Variants in DCC observed in about 807,000 individuals in gnomAD.
DCC encodes DCC netrin 1 receptor.
In DCC, 58 loss-of-function variants were observed where a neutral mutation model predicts 172.5. That is an observed-to-expected ratio of 0.34 (90% CI 0.27 to 0.42). DCC has a LOEUF of 0.42. Among genes scored for constraint, DCC ranks in the 10% least tolerant of loss-of-function variants. DCC has a pLI of 1.00. For synonymous variants in DCC, 709 were observed against 644.5 expected (o/e 1.10, Z -1.52); for missense variants, 1,740 against 1,791.0 (o/e 0.97, Z 0.51).
Position 53,410,541 on chromosome 18 carries a change from A to T in DCC, c.3025A>T (p.Ile1009Phe). ...CAGTGGTGATAGGCTTACTCATCAA[A>T]TCATGGATCTCAACCTTGATACTAT... ...TISGDRLTHQ[I>F]MDLNLDTMYY... The change falls in exon 20 of 29, where the codon ATC becomes TTC. Residue 1009 changes from isoleucine to phenylalanine, a missense_variant. Ile to Phe is a conservative substitution (Grantham distance 21). Around this residue, in one of 2 missense-constraint regions of DCC, gnomAD observed 1,732 missense variants for 1,767.4 expected, o/e 0.98. Coordinates refer to ENST00000442544, the MANE Select transcript of DCC (RefSeq NM_005215.4). 3 of 1,608,628 alleles carry T rather than the reference A, an allele frequency of 1.9e-6. No homozygotes were observed. The highest frequency in any genetic ancestry group is 2.6e-6 in the Non-Finnish European group (3 of 1,174,972).
At chr18:52,444,288 G>GA (rs1410051455) in intron 1 of DCC, among the ~76,000 whole-genome samples, 1 of 152,164 alleles carries the variant, frequency 6.6e-6, no homozygotes, top group Non-Finnish European at 1.5e-5. Context: ...ACATGACCTT[G>GA]AAAATCCAGA....
At chr18:53,017,373 T>A (rs1031598610) in intron 5 of DCC, among the ~76,000 whole-genome samples, 3 of 152,348 alleles carry the variant, frequency 2.0e-5, no homozygotes, top group South Asian at 4.1e-4. Context: ...AAGGAACATA[T>A]AATTTAAGCA....
chr18:53,067,735 G>A (rs1201473119), intron 7 of DCC, among the ~76,000 whole-genome samples: 1 of 152,272 alleles, frequency 6.6e-6, no homozygotes, highest in East Asian at 1.9e-4. Flanking sequence ...CCCATAAAGA[G>A]TTATCTATCA....
chr18:53,301,666 A>T (rs1323449088), intron 12 of DCC, among the ~76,000 whole-genome samples: 1 of 150,928 alleles, frequency 6.6e-6, no homozygotes. Flanking sequence ...ACTTATTTAG[A>T]TGTCTCTTAG....
chr18:52,947,717 G>A (rs138103683), intron 5 of DCC, among the ~76,000 whole-genome samples: 30 of 152,298 alleles, frequency 2.0e-4, no homozygotes, highest in African/African-American at 2.9e-4. Context: ...GGAAGGGGCC[G>A]TTCCATGCCA....
At chr18:52,809,821 T>G (rs934797539) in intron 2 of DCC, among the ~76,000 whole-genome samples, 3 of 152,204 alleles carry the variant, frequency 2.0e-5, no homozygotes, top group African/African-American at 4.8e-5. Flanking sequence ...GGGGTTTATA[T>G]CTCAATCATT....
intron 14 of DCC, among the ~76,000 whole-genome samples, chr18:53,327,571 A>G (rs575073547): frequency 1.3e-5 from 2 of 152,332 alleles, no homozygotes; most frequent in African/African-American, 4.8e-5. Flanking sequence ...TCGGCAGTGC[A>G]GACTTAAGAA....
At chr18:52,904,084 C>G (rs901117039) in intron 2 of DCC, among the ~76,000 whole-genome samples, 1 of 152,170 alleles carries the variant, frequency 6.6e-6, no homozygotes, top group Non-Finnish European at 1.5e-5. Context: ...TAGTGTTTAT[C>G]CAGGCATCCC....
At chr18:53,516,704 T>C (rs1459201608) in intron 27 of DCC, among the ~76,000 whole-genome samples, 2 of 149,926 alleles carry the variant, frequency 1.3e-5, no homozygotes, top group Non-Finnish European at 2.9e-5. Context: ...AAAATGCTTA[T>C]CATCACTGGC....
At chr18:53,395,965 C>G (rs1015689451) in intron 17 of DCC, among the ~76,000 whole-genome samples, 2 of 152,102 alleles carry the variant, frequency 1.3e-5, no homozygotes, top group African/African-American at 2.4e-5. Flanking sequence ...AAGAAGACTT[C>G]TGATAAATAT....
intron 21 of DCC, among the ~76,000 whole-genome samples, chr18:53,432,646 C>T (rs1288956025): frequency 2.0e-5 from 3 of 152,002 alleles, no homozygotes; most frequent in African/African-American, 7.3e-5. Flanking sequence ...GAAGTAACAC[C>T]CATAAACCCA....
intron 1 of DCC, among the ~76,000 whole-genome samples, chr18:52,350,753 A>C (rs1984083993): frequency 6.6e-6 from 1 of 152,194 alleles, no homozygotes; most frequent in Non-Finnish European, 1.5e-5. Context: ...TGATTGGACC[A>C]AAAAGAGGCA....
intron 1 of DCC, among the ~76,000 whole-genome samples, chr18:52,462,230 T>G (rs1465487525): frequency 6.6e-6 from 1 of 152,074 alleles, no homozygotes; most frequent in Non-Finnish European, 1.5e-5. Context: ...GCCCACTACA[T>G]CATACACAGC....
intron 5 of DCC, among the ~76,000 whole-genome samples, chr18:53,002,587 A>G (rs191432613): frequency 3.4e-4 from 51 of 152,196 alleles, no homozygotes; most frequent in Middle Eastern, 3.4e-3. Context: ...ATTAAACACC[A>G]CAACTCTGTG....
At chr18:52,381,454 G>A (rs1985581029) in intron 1 of DCC, among the ~76,000 whole-genome samples, 1 of 152,158 alleles carries the variant, frequency 6.6e-6, no homozygotes, top group African/African-American at 2.4e-5. Context: ...CACAAGGTAT[G>A]AATTCAACAT....
chr18:52,807,637 G>A (rs1474586095), intron 2 of DCC, among the ~76,000 whole-genome samples: 2 of 151,868 alleles, frequency 1.3e-5, no homozygotes, highest in Non-Finnish European at 2.9e-5. Context: ...TTACATATCA[G>A]TCTGAAATAA....
chr18:53,145,928 T>C (rs2043905801), intron 7 of DCC, among the ~76,000 whole-genome samples: 1 of 152,096 alleles, frequency 6.6e-6, no homozygotes, highest in African/African-American at 2.4e-5. Flanking sequence ...CCTTTGTACT[T>C]TTATAACAAA....
At chr18:52,478,383 T>C (rs1390453087) in intron 1 of DCC, among the ~76,000 whole-genome samples, 1 of 152,184 alleles carries the variant, frequency 6.6e-6, no homozygotes, top group Non-Finnish European at 1.5e-5. Context: ...TATGAGTAAT[T>C]GTGATTTAAG....
At chr18:52,539,400 T>C (rs1005845655) in intron 1 of DCC, among the ~76,000 whole-genome samples, 2 of 152,156 alleles carry the variant, frequency 1.3e-5, no homozygotes, top group Admixed American at 6.5e-5. Context: ...TATTGGTCCA[T>C]GGCATGTTAA....
Sources: allele counts gnomAD v4.1 joint callset (sites outside exome capture counted in the v4.1 genomes callset), GRCh38; gene constraint gnomAD v4.1.1; regional missense constraint gnomAD v4.1.1; transcripts MANE v1.5; gene names NCBI Gene and HGNC (gene_info 2026-07-23, HGNC 2026-07-21).